RANBP3L: variants seen among roughly 807,000 people sequenced by gnomAD.
The protein encoded by RANBP3L is ran-binding protein 3-like.
In RANBP3L, 56 loss-of-function variants were observed where a neutral mutation model predicts 67.2. The observed-to-expected ratio is 0.83, with a 90% CI of 0.67 to 1.04. The LOEUF (loss-of-function observed/expected upper bound fraction) is 1.04. Ranked by LOEUF, RANBP3L falls within the 50% of genes least tolerant of loss-of-function variation. RANBP3L has a pLI of 0.00. For missense variants in RANBP3L, 496 were observed against 535.5 expected (o/e 0.93, Z 0.73); for synonymous variants, 164 against 181.4 (o/e 0.90, Z 0.77).
At chr5:36,271,214 T>C (rs764282279) in intron 2 of RANBP3L, 39 bp downstream of exon 2, 2 of 1,142,978 alleles carry the variant, frequency 1.7e-6, no homozygotes, top group South Asian at 1.3e-5. Flanking sequence ...TAATTGTCTT[T>C]GTCAAAGTAA....
chr5:36,258,282 A>T (rs184867255), intron 8 of RANBP3L, among the ~76,000 whole-genome samples: 42 of 152,318 alleles, frequency 2.8e-4, no homozygotes, highest in African/African-American at 9.1e-4. Flanking sequence ...GCCCTCTGCA[A>T]AACACAGAGA....
At chr5:36,259,944 G>T (rs895854993) in intron 8 of RANBP3L, among the ~76,000 whole-genome samples, 2 of 152,048 alleles carry the variant, frequency 1.3e-5, no homozygotes, top group Admixed American at 6.6e-5. Context: ...AACGTGAGGG[G>T]TTTTCACTAG....
intron 1 of RANBP3L, among the ~76,000 whole-genome samples, chr5:36,300,799 A>G (rs1160643281): frequency 6.6e-6 from 1 of 152,196 alleles, no homozygotes; most frequent in Non-Finnish European, 1.5e-5. Context: ...AGTTTGAATG[A>G]GTGCCCAGCA....
chr5:36,281,274 A>T (rs1012258341), intron 1 of RANBP3L, among the ~76,000 whole-genome samples: 1 of 152,160 alleles, frequency 6.6e-6, no homozygotes, highest in Non-Finnish European at 1.5e-5. Context: ...TATGTAAAAC[A>T]CTCAGCACAG....
In RANBP3L at chr5:36,265,004, G is replaced by T; in HGVS notation, c.435C>A (p.His145Gln). The T allele has an allele frequency of 1.2e-6, 2 of 1,613,778 alleles. No individual in the cohort carries two copies. The highest frequency in any genetic ancestry group is 1.7e-6 in the Non-Finnish European group (2 of 1,179,786). ...TAGTCTTGCAAGATTCCAGTGCCTT[G>T]TGTCCAAATGTTTTTCTTACTTTTG... The part of the protein sequence containing the change: ...SCAKVRKTFG[H>Q]KALESCKTKE... The change falls in exon 6 of 14, where the codon CAC (histidine) becomes CAA (glutamine). Residue 145 changes from histidine (H) to glutamine (Q), a missense_variant. Transcript: ENST00000296604.
chr5:36,282,628 T>G (rs761693382), intron 1 of RANBP3L, among the ~76,000 whole-genome samples: 1 of 152,178 alleles, frequency 6.6e-6, no homozygotes, highest in South Asian at 2.1e-4. Flanking sequence ...TTTGAGCACA[T>G]AGAAGAAAAA....
intron 1 of RANBP3L, among the ~76,000 whole-genome samples, chr5:36,285,336 T>A (rs1751246577): frequency 1.3e-5 from 2 of 152,196 alleles, no homozygotes; most frequent in Admixed American, 6.5e-5. Flanking sequence ...GAACTTATCA[T>A]CTAAGGTGTC....
chr5:36,270,091 A>T, intron 2 of RANBP3L, 101 bp from the exon 3 acceptor site: 1 of 989,624 alleles, frequency 1.0e-6, no homozygotes, highest in Non-Finnish European at 1.6e-6. Context: ...TAATGGCAAA[A>T]ATTGCAATTA....
At chr5:36,256,846 A>T in intron 10 of RANBP3L, 95 bp downstream of exon 10, 2 of 1,165,896 alleles carry the variant, frequency 1.7e-6, no homozygotes, top group Non-Finnish European at 2.5e-6. Context: ...TGAAAACTAT[A>T]CTTCTGTCTG....
intron 1 of RANBP3L, among the ~76,000 whole-genome samples, chr5:36,275,187 C>T (rs756554771): frequency 1.2e-4 from 19 of 152,178 alleles, no homozygotes; most frequent in Non-Finnish European, 2.4e-4. Context: ...TGTAATTCTG[C>T]TCCACAAGGG....
chr5:36,255,526 G>T lies in RANBP3L; in HGVS notation c.968C>A (p.Thr323Lys). The T allele has an allele frequency of 6.2e-7, 1 of 1,611,598 alleles. No individual in the cohort carries two copies. Among genetic ancestry groups the T allele is most frequent in the Non-Finnish European group, 8.5e-7 (1 of 1,178,072 alleles). ...GCTTGCTGTGTCATTCAGTCTCAACGTTCCTCTGCCCCTTTCAATCCAGGA... is the reference window on the plus strand; with the variant it reads ...GCTTGCTGTGTCATTCAGTCTCAACTTTCCTCTGCCCCTTTCAATCCAGGA... ...TQSWIERGRG[T>K]LRLNDTASTD... The change falls in exon 11 of 14, where the codon ACG becomes AAG. Residue 323 changes from threonine to lysine, a missense_variant. Physicochemically the swap from Thr to Lys is moderately conservative, Grantham distance 78 (BLOSUM62 -1). Coordinates refer to ENST00000296604, the MANE Select transcript of RANBP3L (RefSeq NM_145000.5).
At chr5:36,300,465 C>T (rs920537455) in intron 1 of RANBP3L, among the ~76,000 whole-genome samples, 8 of 152,162 alleles carry the variant, frequency 5.3e-5, no homozygotes, top group African/African-American at 1.7e-4. Context: ...CAACACTCTC[C>T]ACACCACTGA....
In RANBP3L at chr5:36,253,671, A is replaced by T. The variant is rs1364710289; in HGVS notation, c.1143T>A (p.Tyr381Ter). The T allele has an allele frequency of 1.9e-5, 31 of 1,607,606 alleles. No homozygotes were observed. The highest frequency in any genetic ancestry group is 2.6e-5 in the Non-Finnish European group (31 of 1,174,404). ...CCTGAATTAAAAATATTTTGATGCTATAGTCTTCTAAATCAGTAGCTGTTA... is the reference window on the plus strand; with the variant it reads ...CCTGAATTAAAAATATTTTGATGCTTTAGTCTTCTAAATCAGTAGCTGTTA... ...VRITATDLEDYSIKIFLIQAS... is the reference protein window; with the variant it reads ...VRITATDLED The change falls in exon 12 of 14, where the codon TAT (tyrosine) becomes TAA (stop). Residue 381 changes from tyrosine to a stop codon, truncating the protein, a stop_gained. Coordinates refer to ENST00000296604, the MANE Select transcript of RANBP3L (RefSeq NM_145000.5). LOFTEE classifies it high-confidence loss of function.
chr5:36,283,793 T>C (rs1175377837), intron 1 of RANBP3L, among the ~76,000 whole-genome samples: 1 of 152,202 alleles, frequency 6.6e-6, no homozygotes, highest in African/African-American at 2.4e-5. Context: ...TCCAGAGAGA[T>C]GACCATGTTA....
At chr5:36,280,932 G>C (rs1750929990) in intron 1 of RANBP3L, among the ~76,000 whole-genome samples, 1 of 152,068 alleles carries the variant, frequency 6.6e-6, no homozygotes, top group South Asian at 2.1e-4. Context: ...ATGACTTTAA[G>C]AAGTACCATG....
intron 1 of RANBP3L, 46 bp from the exon 2 acceptor site, chr5:36,271,357 C>T (rs1750199739): frequency 8.7e-7 from 1 of 1,147,968 alleles, no homozygotes; most frequent in Non-Finnish European, 1.3e-6. Flanking sequence ...CATACTCTGA[C>T]ATTTCTTACA....
intron 1 of RANBP3L, among the ~76,000 whole-genome samples, chr5:36,287,039 G>T (rs1385333780): frequency 3.3e-5 from 5 of 152,176 alleles, no homozygotes; most frequent in African/African-American, 1.2e-4. Flanking sequence ...TTTTTCCACA[G>T]ATGGTGGGAA....
intron 7 of RANBP3L, 58 bp from the exon 8 acceptor site, chr5:36,260,922 C>T: frequency 1.4e-6 from 1 of 705,226 alleles, no homozygotes; most frequent in Non-Finnish European, 2.4e-6. Flanking sequence ...CCATTTTAAA[C>T]CTTGAAATAA....
At chr5:36,298,744 G>A (rs1358968858) in intron 1 of RANBP3L, among the ~76,000 whole-genome samples, 2 of 152,174 alleles carry the variant, frequency 1.3e-5, no homozygotes, top group East Asian at 3.8e-4. Flanking sequence ...TGGCTTATGT[G>A]GGCAGATATT....
Sources: allele counts gnomAD v4.1 joint callset (sites outside exome capture counted in the v4.1 genomes callset), GRCh38; gene constraint gnomAD v4.1.1; transcripts MANE v1.5; gene names NCBI Gene and HGNC (gene_info 2026-07-23, HGNC 2026-07-21).